The following TTC3 variants were observed in gnomAD, a reference collection of about 807,000 sequenced individuals.
TTC3 encodes E3 ubiquitin-protein ligase TTC3.
Under a neutral mutation model 249.6 loss-of-function variants are expected in TTC3, and 180 were observed. The ratio of observed to expected loss-of-function variants is 0.72; its 90% CI spans 0.64 to 0.82. TTC3 has a LOEUF of 0.82. TTC3 is among the 40% of genes least tolerant of loss of function. The pLI is 0.00. For missense variants in TTC3, 2,061 were observed against 2,398.4 expected (o/e 0.86, Z 2.94); for synonymous variants, 717 against 805.0 (o/e 0.89, Z 1.85).
rs60916518 is a variant in TTC3 at position 37,124,112 on chromosome 21, C to CTTTTTTTTTTTTT, written c.1110-496_1110-484dup. On this transcript the variant is annotated intron_variant, in intron 13 of 45. Transcript: ENST00000355666. ...GCAGAATACTTCTTTTTGAACTGTT[C>CTTTTTTTTTTTTT]TTTTTTTTTTTTTTTTTTTTTTTGA... Among the ~76,000 whole-genome samples, 110 of 61,282 alleles carry CTTTTTTTTTTTTT rather than the reference C, an allele frequency of 1.8e-3. 22 individuals carry two copies. Among genetic ancestry groups the CTTTTTTTTTTTTT allele is most frequent in the African/African-American group, 4.0e-3 (57 of 14,414 alleles). The allele number at this position is 61,282 out of a possible 152,430, so 40.2% of individuals were successfully genotyped here.
chr21:37,135,452 TGCCGCAGCG>T (rs2077843042), exon 18 of TTC3: 16 of 1,614,116 alleles, frequency 9.9e-6, no homozygotes, highest in Non-Finnish European at 1.3e-5. Context: ...GGAGCAGCGT[TGCCGCAGCG>T]CTGCACAGGC....
chr21:37,197,938 C>T, exon 44 of TTC3: 1 of 1,614,050 alleles, frequency 6.2e-7, no homozygotes, highest in South Asian at 1.1e-5. Flanking sequence ...CCCCCGTGAC[C>T]AGGTCCTCCC....
Position 37,191,534 on chromosome 21 carries a change from A to G in TTC3, c.5115+110A>G, listed in dbSNP as rs2835656. Reference sequence around the variant, plus strand: ...TCTTTTTTATCTATTATTATCAATAATTTTTTTTGTTGAAAGTATTATGAG... The same window carrying G: ...TCTTTTTTATCTATTATTATCAATAGTTTTTTTTGTTGAAAGTATTATGAG... On this transcript the variant is annotated intron_variant, in intron 40 of 45. Coordinates refer to ENST00000355666, the Ensembl canonical transcript of TTC3. 4.8e-6 allele frequency: 3 copies of G among 628,992 alleles called. No homozygotes were observed. In the Admixed American group the frequency reaches 1.3e-4, roughly 26 times the overall value. The allele number at this position is 628,992 out of a possible 1,614,324, so 39.0% of individuals were successfully genotyped here.
At chr21:37,169,591 C>T (rs913943012) in intron 34 of TTC3, among the ~76,000 whole-genome samples, 1 of 151,702 alleles carries the variant, frequency 6.6e-6, no homozygotes, top group African/African-American at 2.4e-5. Flanking sequence ...TGGCTCATGC[C>T]TGTAATCCCA....
intron 44 of TTC3, among the ~76,000 whole-genome samples, chr21:37,198,929 AC>A (rs1482098141): frequency 6.6e-6 from 1 of 151,986 alleles, no homozygotes; most frequent in Non-Finnish European, 1.5e-5. Context: ...GAAATAGAAA[AC>A]GGTCAAGTTA....
At chr21:37,105,883 G>A (rs1030167964) in intron 10 of TTC3, among the ~76,000 whole-genome samples, 3 of 152,158 alleles carry the variant, frequency 2.0e-5, no homozygotes, top group African/African-American at 7.2e-5. Context: ...CATTTGGGTA[G>A]CTTCTCCTAT....
At chr21:37,096,717 T>C in intron 10 of TTC3, 74 bp downstream of exon 10, 1 of 1,190,476 alleles carries the variant, frequency 8.4e-7, no homozygotes, top group Middle Eastern at 2.3e-4. Context: ...TTTCTGTTTT[T>C]CAGGTATACA....
chr21:37,144,686 C>T (rs1263221644), intron 21 of TTC3, 41 bp downstream of exon 21: 2 of 1,590,034 alleles, frequency 1.3e-6, no homozygotes, highest in African/African-American at 2.7e-5. Context: ...ACTGTGAATG[C>T]TTATCTGCAT....
At chr21:37,135,775 T>C (rs1164178825) in intron 18 of TTC3, among the ~76,000 whole-genome samples, 1 of 152,238 alleles carries the variant, frequency 6.6e-6, no homozygotes, top group Non-Finnish European at 1.5e-5. Flanking sequence ...ATCAAGGTTT[T>C]CAACTATCTT....
At chr21:37,160,955 A>G in intron 30 of TTC3, 97 bp downstream of exon 30, 2 of 1,261,556 alleles carry the variant, frequency 1.6e-6, no homozygotes, top group Non-Finnish European at 2.2e-6. Context: ...GATATTTTGA[A>G]ACATTTGTAG....
chr21:37,089,495 A>AG (rs2072956297), intron 5 of TTC3, among the ~76,000 whole-genome samples: 1 of 151,812 alleles, frequency 6.6e-6, no homozygotes, highest in Admixed American at 6.6e-5. Context: ...TATAAAAAAA[A>AG]TTAAGTGCAA....
At chr21:37,188,717 G>A in intron 39 of TTC3, 122 bp downstream of exon 39, 1 of 575,442 alleles carries the variant, frequency 1.7e-6, no homozygotes, top group Non-Finnish European at 2.9e-6. Context: ...ATTGATACAT[G>A]TTCAATTGTA....
intron 40 of TTC3, 49 bp from the exon 41 acceptor site, chr21:37,192,063 G>C (rs551968915): frequency 8.6e-7 from 1 of 1,165,036 alleles, no homozygotes; most frequent in African/African-American, 1.5e-5. Context: ...AAGAAACAAA[G>C]TATTAATTGA....
chr21:37,140,617 G>A, exon 20 of TTC3: 4 of 1,606,362 alleles, frequency 2.5e-6, no homozygotes, highest in East Asian at 2.3e-5. Context: ...ACCCCAGTGA[G>A]GGCCTTGATT....
At chr21:37,135,614 G>C in intron 18 of TTC3, 100 bp downstream of exon 18, 2 of 1,390,960 alleles carry the variant, frequency 1.4e-6, no homozygotes, top group Non-Finnish European at 1.9e-6. Flanking sequence ...ATGTACCTAA[G>C]ACCTTGCTGA....
At chr21:37,198,093 A>ATT in intron 44 of TTC3, 68 bp downstream of exon 44, 1 of 1,488,482 alleles carries the variant, frequency 6.7e-7, no homozygotes, top group South Asian at 1.4e-5. Context: ...TTAATCCATG[A>ATT]TTTAGCCCCA....
chr21:37,166,746 A>C, intron 33 of TTC3, 131 bp downstream of exon 33: 6 of 1,394,278 alleles, frequency 4.3e-6, no homozygotes, highest in Non-Finnish European at 5.7e-6. Flanking sequence ...TTTTGCCTGA[A>C]AATACTTTTA....
At chr21:37,115,040 GA>G (rs955943551) in intron 11 of TTC3, among the ~76,000 whole-genome samples, 2 of 152,064 alleles carry the variant, frequency 1.3e-5, no homozygotes, top group African/African-American at 4.8e-5. Flanking sequence ...TGTGAGGTGG[GA>G]GGGGAGAGGG....
At chr21:37,191,421 A>G (rs1180290818) in exon 40 of TTC3, 10 of 1,571,388 alleles carry the variant, frequency 6.4e-6, no homozygotes, top group Middle Eastern at 1.7e-4. Context: ...TTGAGAAAGC[A>G]AAGGTAAGTT....
Sources: gnomAD v4.1 joint callset for allele counts (sites outside exome capture counted in the v4.1 genomes callset) on GRCh38, gnomAD v4.1.1 for gene constraint, MANE v1.5 for transcripts, NCBI Gene and HGNC (gene_info 2026-07-23, HGNC 2026-07-21) for gene names.